Variants in GTPBP1 observed in about 807,000 individuals in gnomAD.
GTPBP1 encodes GTP-binding protein 1.
GTPBP1 carries 23 observed loss-of-function variants against 62.0 expected under a neutral mutation model. That is an observed-to-expected ratio of 0.37 (90% CI 0.27 to 0.53). GTPBP1 has a LOEUF of 0.53. Ranked by LOEUF, GTPBP1 falls within the 20% of genes least tolerant of loss-of-function variation. The pLI is 0.89. For missense variants in GTPBP1, 640 were observed against 917.3 expected (o/e 0.70, Z 3.90); for synonymous variants, 344 against 364.4 (o/e 0.94, Z 0.64).
chr22:38,708,812 G>GCC (rs2092621437), intron 1 of GTPBP1, 33 bp from the exon 2 acceptor site: 1 of 1,173,916 alleles, frequency 8.5e-7, no homozygotes, highest in Admixed American at 1.7e-5. Flanking sequence ...CTTCTAGCAA[G>GCC]TGTGGTCCTA....
chr22:38,712,179 A>G (rs1469078692), intron 2 of GTPBP1, among the ~76,000 whole-genome samples: 1 of 152,144 alleles, frequency 6.6e-6, no homozygotes, highest in Non-Finnish European at 1.5e-5. Flanking sequence ...CCGGCCAAGG[A>G]GTACTAAGTC....
intron 10 of GTPBP1, chr22:38,729,015 G>A (rs924630473): frequency 2.2e-4 from 34 of 154,804 alleles, no homozygotes; most frequent in Non-Finnish European, 3.9e-4. Flanking sequence ...CAGCAGCAGC[G>A]TGCTGGGGCT....
intron 4 of GTPBP1, among the ~76,000 whole-genome samples, chr22:38,719,989 C>T (rs1430499515): frequency 2.7e-5 from 4 of 145,834 alleles, no homozygotes; most frequent in Non-Finnish European, 5.9e-5. Context: ...AGTGCAGTGG[C>T]GCGATCTCAG....
downstream of GTPBP1, chr22:38,739,970 C>G: frequency 6.2e-7 from 1 of 1,601,074 alleles, no homozygotes; most frequent in South Asian, 1.1e-5. This position sits in a 1 kb window ranked among gnomAD's most constrained non-coding sequence, Gnocchi z 6.7. Flanking sequence ...GGGTGTCACC[C>G]TGGGGGGCTT....
downstream of GTPBP1, chr22:38,741,044 C>T (rs1451970985): frequency 1.9e-5 from 30 of 1,597,370 alleles, no homozygotes; most frequent in Middle Eastern, 1.7e-4. Context: ...ATGCGAGCCT[C>T]GGACTCCTGT....
At chr22:38,720,170 T>C (rs2145863814) in intron 4 of GTPBP1, among the ~76,000 whole-genome samples, 1 of 151,840 alleles carries the variant, frequency 6.6e-6, no homozygotes, top group Admixed American at 6.6e-5. Context: ...CCTCATGATC[T>C]GCCCGCCTCG....
At position 38,726,092 on chromosome 22, in the gene GTPBP1, C is replaced by T; in HGVS notation, c.1160C>T (p.Thr387Ile). 6.2e-7 allele frequency: 1 copy of T among 1,614,086 alleles called. No homozygotes were observed. The highest frequency in any genetic ancestry group is 1.1e-5 in the South Asian group (1 of 91,084). The change falls in exon 7 of 12, where the codon ACC becomes ATC. Residue 387 changes from threonine to isoleucine, a missense_variant. Transcript: ENST00000216044. This position sits in a 1 kb window ranked among gnomAD's most constrained non-coding sequence, Gnocchi z 4.1. ...KMFLNLLSPR[T>I]SYREEEPAEF... The stretch of plus-strand genomic sequence containing the variant: ...TTCCTCAACCTCCTCTCCCCCCGCA[C>T]CAGCTACAGGGAGGAGGAGCCTGCT...
At chr22:38,722,975 A>G (rs2092708657) in intron 5 of GTPBP1, 1 of 865,606 alleles carries the variant, frequency 1.2e-6, no homozygotes, top group Non-Finnish European at 2.0e-6. Context: ...GTGCAAGACC[A>G]GAACCTTCTA....
At chr22:38,739,055 T>C, downstream of GTPBP1, 2 of 1,468,880 alleles carry the variant, frequency 1.4e-6, no homozygotes, top group Non-Finnish European at 1.9e-6. The surrounding 1 kb of genome is among the most constrained non-coding windows in gnomAD (Gnocchi z 6.7). Flanking sequence ...GGCCATTGGC[T>C]GTCTCCTCGC....
At chr22:38,729,385 G>C in intron 10 of GTPBP1, 77 bp from the exon 11 acceptor site, 1 of 1,064,174 alleles carries the variant, frequency 9.4e-7, no homozygotes, top group Admixed American at 2.7e-5. Flanking sequence ...GGAGAAGGGG[G>C]CTGAGGGTGG....
downstream of GTPBP1, chr22:38,734,372 G>T (rs563522199): frequency 2.3e-6 from 1 of 435,218 alleles, no homozygotes; most frequent in African/African-American, 2.1e-5. Context: ...GAGAATCACT[G>T]CACTCCAAGT....
Position 38,718,322 on chromosome 22 carries a change from C to A in GTPBP1, c.834+1322C>A, listed in dbSNP as rs564507563. 8.5e-5 allele frequency among the ~76,000 whole-genome samples: 13 copies of A among 152,160 alleles called. No homozygotes were observed. In the East Asian group the frequency reaches 2.5e-3, roughly 29 times the overall value. ...TCCAGCTGAGCTACAGTGAGTAAGA[C>A]CAATTAATGGAAATATCTTCACCCT... On this transcript the variant is annotated intron_variant, in intron 4 of 11. Coordinates refer to ENST00000216044, the MANE Select transcript of GTPBP1 (RefSeq NM_004286.5).
rs577081672 is a variant in GTPBP1 at position 38,731,010 on chromosome 22, T to TTGTTTGTGTGTG, written c.*309_*310insTTGTGTGTGTGT. On this transcript the variant is annotated 3_prime_UTR_variant, in exon 12 of 12. Transcript: ENST00000216044. ...TATTATATGTCTCTGTCTCTCTCTA[T>TTGTTTGTGTGTG]TGTGTGTGTGTGTGTGTGTGTGTGT... 126 of 183,768 alleles carry TTGTTTGTGTGTG rather than the reference T, an allele frequency of 6.9e-4. 2 individuals carry two copies. The highest frequency in any genetic ancestry group is 4.4e-3 in the Middle Eastern group (2 of 450). 11.4% of individuals were successfully genotyped at this position (183,768 alleles called of 1,614,324 possible).
rs1253811842 is a variant in GTPBP1, at chr22:38,726,039, A to T, written c.1107A>T (p.Thr369=). Residue 369 remains threonine, a synonymous_variant, in exon 7 of 12, where the codon ACA becomes ACT. Coordinates refer to ENST00000216044, the MANE Select transcript of GTPBP1 (RefSeq NM_004286.5). This position sits in a 1 kb window ranked among gnomAD's most constrained non-coding sequence, Gnocchi z 4.1. ...MCPIFQISNV[T]GENLDLLKMF... ...CGATATTCCAGATCTCCAACGTTAC[A>T]GGCGAGAACCTAGATCTGCTGAAGA... The T allele has an allele frequency of 1.2e-6, 2 of 1,613,872 alleles. No individual in the cohort carries two copies. Among genetic ancestry groups the T allele is most frequent in the Non-Finnish European group, 1.7e-6 (2 of 1,179,924 alleles).
chr22:38,740,462 G>A (rs1386495606), downstream of GTPBP1: 51 of 1,443,322 alleles, frequency 3.5e-5, no homozygotes, highest in Non-Finnish European at 4.4e-5. This position sits in a 1 kb window ranked among gnomAD's most constrained non-coding sequence, Gnocchi z 4.8. Context: ...AGTAAGCCTC[G>A]GATCTCTTTG....
rs2092602507 is a variant in GTPBP1, at chr22:38,706,103, G to A, written c.148G>A (p.Gly50Ser). The A allele has an allele frequency of 4.6e-6, 6 of 1,311,142 alleles. No homozygotes were observed. The East Asian group carries it at 1.6e-4, about 34-fold the overall frequency. 81.2% of individuals were successfully genotyped at this position (1,311,142 alleles called of 1,614,324 possible). The change falls in exon 1 of 12, where the codon GGC (glycine) becomes AGC (serine). Residue 50 changes from glycine to serine, a missense_variant. Around this residue, in one of 4 missense-constraint regions of GTPBP1, gnomAD observed 215 missense variants for 235.1 expected, o/e 0.91. Coordinates refer to ENST00000216044, the MANE Select transcript of GTPBP1 (RefSeq NM_004286.5). ...GGFDSDCSED[G>S]EALNGEPELD... ...CTTTGACTCGGACTGCAGCGAGGAC[G>A]GCGAGGCGCTCAACGGCGAGCCAGA...
At position 38,710,531 on chromosome 22, in the gene GTPBP1, T is replaced by C. The variant is rs1305320073; in HGVS notation, c.304+1575T>C. 1.7e-4 allele frequency among the ~76,000 whole-genome samples: 26 copies of C among 152,104 alleles called. 1 individual carries two copies. The highest frequency in any genetic ancestry group is 1.7e-3 in the Admixed American group (26 of 15,270). On this transcript the variant is annotated intron_variant, in intron 2 of 11. Coordinates refer to ENST00000216044, the MANE Select transcript of GTPBP1 (RefSeq NM_004286.5). ...CTAAAGGAAGGCATGGTCAGAGAGATAGGCAAACTAAGAGGTTGCGTATCA... is the reference window on the plus strand; with the variant it reads ...CTAAAGGAAGGCATGGTCAGAGAGACAGGCAAACTAAGAGGTTGCGTATCA...
intron 6 of GTPBP1, 38 bp from the exon 7 acceptor site, chr22:38,725,968 C>G (rs762167711): frequency 6.2e-7 from 1 of 1,607,306 alleles, no homozygotes; most frequent in Admixed American, 1.7e-5. Context: ...TCCTGAGTGC[C>G]TCTCTCCTTT....
chr22:38,723,709 C>T (rs184431361), intron 5 of GTPBP1, among the ~76,000 whole-genome samples: 235 of 152,258 alleles, frequency 1.5e-3, no homozygotes, highest in African/African-American at 5.5e-3. Flanking sequence ...CAGGTGACCC[C>T]AGGCAGAAGG....
Sources: gnomAD v4.1 joint callset for allele counts (sites outside exome capture counted in the v4.1 genomes callset) on GRCh38, gnomAD v4.1.1 for gene constraint, gnomAD v4.1.1 regional missense constraint, Gnocchi (gnomAD v3.1) non-coding constraint, MANE v1.5 for transcripts, NCBI Gene and HGNC (gene_info 2026-07-23, HGNC 2026-07-21) for gene names.